TSHZ2: variants seen among roughly 807,000 people sequenced by gnomAD.
TSHZ2 encodes teashirt zinc finger homeobox 2.
In TSHZ2, 21 loss-of-function variants were observed where a neutral mutation model predicts 74.4. The ratio of observed to expected loss-of-function variants is 0.28; its 90% CI spans 0.20 to 0.41. The LOEUF (loss-of-function observed/expected upper bound fraction) is 0.41, where lower values mean the gene tolerates loss of function less well. Ranked by LOEUF, TSHZ2 falls within the 10% of genes least tolerant of loss-of-function variation. TSHZ2 has a pLI of 1.00. For synonymous variants in TSHZ2, 540 were observed against 515.3 expected (o/e 1.05, Z -0.65); for missense variants, 1,244 against 1,293.5 (o/e 0.96, Z 0.59).
intron 2 of TSHZ2, among the ~76,000 whole-genome samples, chr20:53,469,084 T>TATATATATATAC (rs1351403317): frequency 1.5e-5 from 2 of 132,352 alleles, no homozygotes; most frequent in African/African-American, 2.8e-5. Flanking sequence ...TATATATATA[T>TATATATATATAC]GTACATATTC....
At chr20:53,265,541 C>T (rs1990696448) in intron 2 of TSHZ2, among the ~76,000 whole-genome samples, 1 of 152,182 alleles carries the variant, frequency 6.6e-6, no homozygotes, top group African/African-American at 2.4e-5. Context: ...CTCAGCCCAC[C>T]TCTGTGAGCT....
intron 2 of TSHZ2, among the ~76,000 whole-genome samples, chr20:53,354,940 A>G (rs1190669385): frequency 6.6e-6 from 1 of 152,160 alleles, no homozygotes; most frequent in Non-Finnish European, 1.5e-5. Flanking sequence ...TTGCCTTATA[A>G]TGGTGTTTTT....
intron 1 of TSHZ2, among the ~76,000 whole-genome samples, chr20:53,114,349 C>T (rs1260839474): frequency 6.6e-6 from 1 of 152,154 alleles, no homozygotes; most frequent in Non-Finnish European, 1.5e-5. Flanking sequence ...TTGAGCCTAA[C>T]TAGCTGCTGA....
rs187181900 is a variant in TSHZ2, at chr20:53,226,655, G to A, written c.41-26844G>A. 3.8e-3 allele frequency among the ~76,000 whole-genome samples: 575 copies of A among 152,176 alleles called. 2 individuals carry two copies. Among genetic ancestry groups the A allele is most frequent in the Non-Finnish European group, 5.5e-3 (374 of 68,014 alleles). Reference sequence around the variant, plus strand: ...CCTAATAAAGCTCAGGTGTTCAAATGGTGTATTTAGAACAGGATTTCTAAG... The same window carrying A: ...CCTAATAAAGCTCAGGTGTTCAAATAGTGTATTTAGAACAGGATTTCTAAG... On this transcript the variant is annotated intron_variant, in intron 1 of 2. Transcript: ENST00000371497.
At position 53,493,113 on chromosome 20, in the gene TSHZ2, G is replaced by A. The variant is rs952062158; in HGVS notation, c.*5978G>A. The A allele has an allele frequency of 1.1e-4, 16 of 152,144 alleles. No individual in the cohort carries two copies. Among genetic ancestry groups the A allele is most frequent in the African/African-American group, 3.6e-4 (15 of 41,440 alleles). The allele number at this position is 152,144 out of a possible 1,614,324, so 9.4% of individuals were successfully genotyped here. ...GTGCATTTTTATAGTGTACATATTT[G>A]TATATACTAACTATATCGCCATGTA... On this transcript the variant is annotated 3_prime_UTR_variant, in exon 3 of 3. Coordinates refer to ENST00000371497, the MANE Select transcript of TSHZ2 (RefSeq NM_173485.6).
intron 1 of TSHZ2, among the ~76,000 whole-genome samples, chr20:53,007,491 G>A (rs1301598246): frequency 3.9e-5 from 6 of 152,178 alleles, no homozygotes; most frequent in African/African-American, 1.4e-4. Flanking sequence ...CACAAAATAC[G>A]TGTTGGATAA....
intron 1 of TSHZ2, among the ~76,000 whole-genome samples, chr20:52,988,154 CACTA>C (rs1472204920): frequency 6.6e-6 from 1 of 152,060 alleles, no homozygotes; most frequent in Non-Finnish European, 1.5e-5. Context: ...ATGAACATGA[CACTA>C]ACTGTCATCG....
At chr20:53,078,455 A>ATTGTT (rs1985432555) in intron 1 of TSHZ2, among the ~76,000 whole-genome samples, 1 of 152,242 alleles carries the variant, frequency 6.6e-6, no homozygotes, top group African/African-American at 2.4e-5. Flanking sequence ...AAATGGTACA[A>ATTGTT]GATAAAACTG....
At chr20:53,011,101 A>G (rs1224487061) in intron 1 of TSHZ2, among the ~76,000 whole-genome samples, 4 of 152,232 alleles carry the variant, frequency 2.6e-5, no homozygotes, top group East Asian at 3.8e-4. Flanking sequence ...AGTGCCTTTT[A>G]TGTAACTCAG....
chr20:52,988,786 G>T (rs1981867061), intron 1 of TSHZ2, among the ~76,000 whole-genome samples: 1 of 151,966 alleles, frequency 6.6e-6, no homozygotes, highest in Non-Finnish European at 1.5e-5. Flanking sequence ...AGTCCATCTG[G>T]GGCGTCTCAG....
chr20:53,136,512 A>G (rs906008579), intron 1 of TSHZ2, among the ~76,000 whole-genome samples: 2 of 152,140 alleles, frequency 1.3e-5, no homozygotes. Context: ...CTGTATTTCA[A>G]TATTTTATTA....
intron 1 of TSHZ2, among the ~76,000 whole-genome samples, chr20:52,977,707 G>C (rs1214474031): frequency 6.6e-6 from 1 of 152,032 alleles, no homozygotes; most frequent in East Asian, 1.9e-4. Context: ...CATCTCAAAA[G>C]CCCATTTGTT....
intron 1 of TSHZ2, among the ~76,000 whole-genome samples, chr20:53,246,932 C>T (rs556151247): frequency 2.6e-5 from 4 of 152,272 alleles, no homozygotes; most frequent in South Asian, 4.1e-4. Context: ...TCCAATTACC[C>T]GAACCATCTT....
chr20:53,068,979 G>A (rs2123190612), intron 1 of TSHZ2, among the ~76,000 whole-genome samples: 1 of 152,020 alleles, frequency 6.6e-6, no homozygotes, highest in South Asian at 2.1e-4. Context: ...AGGTAGAATA[G>A]AAGAGAAAGG....
At chr20:53,121,706 C>T (rs73144229) in intron 1 of TSHZ2, among the ~76,000 whole-genome samples, 1,985 of 152,058 alleles carry the variant, frequency 0.013, 21 homozygotes, top group Non-Finnish European at 0.019. Flanking sequence ...GTATAAACAC[C>T]AAACAAGCCA....
At chr20:52,978,677 C>T (rs1981443024) in intron 1 of TSHZ2, among the ~76,000 whole-genome samples, 1 of 152,138 alleles carries the variant, frequency 6.6e-6, no homozygotes, top group Non-Finnish European at 1.5e-5. Context: ...TATTTAATTA[C>T]AATCAAACTG....
At chr20:52,996,722 A>G (rs530377111) in intron 1 of TSHZ2, among the ~76,000 whole-genome samples, 1 of 152,278 alleles carries the variant, frequency 6.6e-6, no homozygotes, top group Middle Eastern at 3.4e-3. Flanking sequence ...TGGTGTTTCT[A>G]GGCTGCTGAC....
chr20:53,469,640 GGAAGGAAGGAAGGA>G (rs1985709309), intron 2 of TSHZ2, among the ~76,000 whole-genome samples: 2 of 62,218 alleles, frequency 3.2e-5, no homozygotes, highest in Admixed American at 1.5e-4. Context: ...GAGGGAGGAA[GGAAGGAAGGAAGGA>G]AGGAAGGAAG....
At chr20:53,458,912 A>G (rs1985229156) in intron 2 of TSHZ2, among the ~76,000 whole-genome samples, 1 of 152,074 alleles carries the variant, frequency 6.6e-6, no homozygotes, top group Non-Finnish European at 1.5e-5. Context: ...GTTTGATTGC[A>G]CTGTGGTCTG....
Sources: allele counts gnomAD v4.1 joint callset (sites outside exome capture counted in the v4.1 genomes callset), GRCh38; gene constraint gnomAD v4.1.1; transcripts MANE v1.5; gene names NCBI Gene and HGNC (gene_info 2026-07-23, HGNC 2026-07-21).